Variants in PAK5 observed in about 807,000 individuals in gnomAD.
PAK5 encodes p21 (RAC1) activated kinase 5.
PAK5 carries 16 observed loss-of-function variants against 65.9 expected under a neutral mutation model. The ratio of observed to expected loss-of-function variants is 0.24; its 90% CI spans 0.16 to 0.37. The LOEUF (loss-of-function observed/expected upper bound fraction) is 0.37. PAK5 is among the 10% of genes least tolerant of loss of function. The pLI is 1.00. For missense variants in PAK5, 785 were observed against 903.9 expected (o/e 0.87, Z 1.69); for synonymous variants, 371 against 354.9 (o/e 1.05, Z -0.51).
At chr20:9,615,087 T>C (rs2046631020) in intron 3 of PAK5, among the ~76,000 whole-genome samples, 1 of 152,178 alleles carries the variant, frequency 6.6e-6, no homozygotes, top group Non-Finnish European at 1.5e-5. Flanking sequence ...AGAAAAGCTA[T>C]GTAATATATA....
intron 1 of PAK5, among the ~76,000 whole-genome samples, chr20:9,807,202 C>A (rs574933671): frequency 1.1e-3 from 172 of 152,260 alleles, no homozygotes; most frequent in African/African-American, 3.9e-3. Context: ...GGAATGTGTT[C>A]TGTGGTTCTG....
chr20:9,575,593 C>A (rs1426570180), intron 4 of PAK5: 1 of 152,162 alleles, frequency 6.6e-6, no homozygotes, highest in East Asian at 1.9e-4. Flanking sequence ...GCCCATAGTT[C>A]CAGCTTTTAC....
At chr20:9,544,321 C>G in intron 8 of PAK5, 48 bp downstream of exon 8, 1 of 1,601,820 alleles carries the variant, frequency 6.2e-7, no homozygotes, top group South Asian at 1.1e-5. Context: ...CAATGGGTCC[C>G]TGAGCCTGTC....
intron 2 of PAK5, among the ~76,000 whole-genome samples, chr20:9,705,091 C>A (rs2047989003): frequency 6.6e-6 from 1 of 152,162 alleles, no homozygotes; most frequent in African/African-American, 2.4e-5. Context: ...AAAGGCCAAG[C>A]GTGCTGCTAA....
chr20:9,767,056 A>C (rs1432661741), intron 1 of PAK5, among the ~76,000 whole-genome samples: 3 of 152,128 alleles, frequency 2.0e-5, no homozygotes, highest in Non-Finnish European at 4.4e-5. Context: ...GAGGGTATAT[A>C]TTGACAGACT....
At chr20:9,646,421 C>G (rs2047135673) in intron 2 of PAK5, among the ~76,000 whole-genome samples, 1 of 152,230 alleles carries the variant, frequency 6.6e-6, no homozygotes, top group Non-Finnish European at 1.5e-5. Flanking sequence ...AGTATAAGGA[C>G]TTCAACTACC....
intron 3 of PAK5, among the ~76,000 whole-genome samples, chr20:9,634,043 A>C (rs902399496): frequency 4.6e-5 from 7 of 152,114 alleles, no homozygotes; most frequent in African/African-American, 1.7e-4. Flanking sequence ...TTTTCTAATA[A>C]TCCTTGGCAG....
intron 1 of PAK5, among the ~76,000 whole-genome samples, chr20:9,795,921 A>G (rs1468571238): frequency 6.6e-6 from 1 of 152,116 alleles, no homozygotes; most frequent in African/African-American, 2.4e-5. Flanking sequence ...TTTTCCACTT[A>G]ATATTTATTA....
intron 1 of PAK5, among the ~76,000 whole-genome samples, chr20:9,773,090 G>C (rs1347889552): frequency 2.0e-5 from 3 of 152,016 alleles, no homozygotes; most frequent in Non-Finnish European, 4.4e-5. Context: ...GGTGTAGAAG[G>C]CCATCCAAGA....
Position 9,580,269 on chromosome 20 carries a change from C to G in PAK5, c.866G>C (p.Gly289Ala). 2 of 1,614,126 alleles carry G rather than the reference C, an allele frequency of 1.2e-6. No individual in the cohort carries two copies. Among genetic ancestry groups the G allele is most frequent in the South Asian group, 1.1e-5 (1 of 91,082 alleles). Residue 289 changes from glycine (G) to alanine (A), a missense_variant, in exon 4 of 10, where the codon GGC becomes GCC. Coordinates refer to ENST00000353224, the MANE Select transcript of PAK5 (RefSeq NM_177990.4). ...CATCATCGGTTCCTGGAGTCCCGAG[C>G]CTGACCTGGACCTCTGCCGCATGGT... ...QPTMRQRSRS[G>A]SGLQEPMMPF...
intron 1 of PAK5, among the ~76,000 whole-genome samples, chr20:9,718,289 C>T (rs1288458889): frequency 1.3e-5 from 2 of 152,048 alleles, no homozygotes; most frequent in Admixed American, 6.5e-5. Flanking sequence ...TTTTTCCCCT[C>T]CTCACACTCA....
chr20:9,822,729 T>A (rs886361650), intron 1 of PAK5, among the ~76,000 whole-genome samples: 1 of 152,222 alleles, frequency 6.6e-6, no homozygotes, highest in Non-Finnish European at 1.5e-5. Context: ...TCCACCCATA[T>A]GCCTACTGAC....
intron 1 of PAK5, among the ~76,000 whole-genome samples, chr20:9,828,365 A>T (rs1284724485): frequency 6.6e-6 from 1 of 152,240 alleles, no homozygotes; most frequent in Admixed American, 6.5e-5. Flanking sequence ...AAGAGAGAAC[A>T]TTGTCCTAAA....
At chr20:9,745,346 G>A (rs565224212) in intron 1 of PAK5, among the ~76,000 whole-genome samples, 80 of 151,550 alleles carry the variant, frequency 5.3e-4, no homozygotes, top group African/African-American at 1.9e-3. Context: ...AATCACATTC[G>A]ACATATCACC....
At chr20:9,671,984 A>G (rs1276079644) in intron 2 of PAK5, among the ~76,000 whole-genome samples, 1 of 152,148 alleles carries the variant, frequency 6.6e-6, no homozygotes, top group Non-Finnish European at 1.5e-5. Context: ...AGAAATCTAG[A>G]TAAGAAAGAG....
At chr20:9,628,003 T>C (rs1215094717) in intron 3 of PAK5, among the ~76,000 whole-genome samples, 2 of 152,212 alleles carry the variant, frequency 1.3e-5, no homozygotes, top group Non-Finnish European at 2.9e-5. Context: ...TTATTCCAAA[T>C]GGTATTCCTA....
rs755988849 is a variant in PAK5 at position 9,566,274 on chromosome 20, G to T, written c.1101C>A (p.Ser367=). ...CAGACGGGTACTGGTGACTGCTTGAGGAATAGCCCGATTTGCTTTGACTTT... is the reference window on the plus strand; with the variant it reads ...CAGACGGGTACTGGTGACTGCTTGATGAATAGCCCGATTTGCTTTGACTTT... ...LPQSQSKSGY[S]SSSHQYPSGY... is the part of the protein sequence containing the mutation. The change falls in exon 5 of 10, where the codon TCC becomes TCA. Residue 367 remains serine, a synonymous_variant. Transcript: ENST00000353224. 4.8e-5 allele frequency: 77 copies of T among 1,613,698 alleles called. 1 individual carries two copies. The South Asian group carries it at 8.3e-4, about 17-fold the overall frequency.
chr20:9,834,828 A>G lies in PAK5; in HGVS notation c.-162+3934T>C, dbSNP rs544896626. 3.9e-5 allele frequency among the ~76,000 whole-genome samples: 6 copies of G among 152,250 alleles called. No individual in the cohort carries two copies. In the South Asian group the frequency reaches 1.2e-3, roughly 32 times the overall value. ...ACATAATGATTATTATTTATTGTTT[A>G]CCATTAATTTCCAGAAGACTGAAAG... On this transcript the variant is annotated intron_variant, in intron 1 of 9. Transcript: ENST00000353224.
chr20:9,652,743 C>A (rs1056937063), intron 2 of PAK5, among the ~76,000 whole-genome samples: 3 of 152,180 alleles, frequency 2.0e-5, no homozygotes, highest in Non-Finnish European at 4.4e-5. Flanking sequence ...ACAGCTGTAA[C>A]CCCTTTTCTT....
Sources: gnomAD v4.1 joint callset for allele counts (sites outside exome capture counted in the v4.1 genomes callset) on GRCh38, gnomAD v4.1.1 for gene constraint, MANE v1.5 for transcripts, NCBI Gene and HGNC (gene_info 2026-07-23, HGNC 2026-07-21) for gene names.